The following MEMO1 variants were observed in gnomAD, a reference collection of about 807,000 sequenced individuals.
The protein encoded by MEMO1 is mediator of cell motility 1, also known as protein MEMO1.
In MEMO1, 6 loss-of-function variants were observed where a neutral mutation model predicts 45.2. That is an observed-to-expected ratio of 0.13 (90% CI 0.07 to 0.26). The LOEUF (loss-of-function observed/expected upper bound fraction) is 0.26, where lower values mean the gene tolerates loss of function less well. Ranked by LOEUF, MEMO1 falls within the 10% of genes least tolerant of loss-of-function variation. MEMO1 has a pLI of 1.00. For synonymous variants in MEMO1, 78 were observed against 124.3 expected, an observed-to-expected ratio of 0.63 and a Z score of 2.48; for missense variants, 184 against 370.5, an observed-to-expected ratio of 0.50 and a Z score of 4.13.
chr2:31,949,511 A>T (rs1189384239), intron 2 of MEMO1, among the ~76,000 whole-genome samples: 1 of 151,964 alleles, frequency 6.6e-6, no homozygotes, highest in Non-Finnish European at 1.5e-5. Context: ...AAGACAAACA[A>T]TGCATGTTCT....
intron 6 of MEMO1, among the ~76,000 whole-genome samples, chr2:31,908,611 T>G (rs1680106734): frequency 6.6e-6 from 1 of 152,138 alleles, no homozygotes; most frequent in African/African-American, 2.4e-5. Context: ...ATGAACTAAT[T>G]GCTGGAGACT....
At position 31,938,345 on chromosome 2, in the gene MEMO1, T is replaced by TA. The variant is rs993468091; in HGVS notation, c.143+4956dup. Among the ~76,000 whole-genome samples, 403 of 142,980 alleles carry TA rather than the reference T, an allele frequency of 2.8e-3. 2 individuals are homozygous for TA. Among genetic ancestry groups the TA allele is most frequent in the South Asian group, 3.5e-3 (16 of 4,536 alleles). 93.8% of individuals were successfully genotyped at this position (142,980 alleles called of 152,430 possible). On this transcript the variant is annotated intron_variant, in intron 3 of 9. Transcript: ENST00000404530. ...ATGATATGATTTATGCCTATAAAGG[T>TA]AAAAAAAAAAAACTAAGAAGGCCAG...
chr2:31,868,551 G>T, intron 9 of MEMO1, 59 bp from the exon 10 acceptor site: 1 of 1,469,450 alleles, frequency 6.8e-7, no homozygotes, highest in African/African-American at 1.4e-5. Context: ...GGCACTCAAT[G>T]TGTTTGCGGT....
chr2:31,960,401 T>C (rs993280097), intron 2 of MEMO1, among the ~76,000 whole-genome samples: 1 of 152,124 alleles, frequency 6.6e-6, no homozygotes, highest in Admixed American at 6.5e-5. Context: ...CTATTAATTA[T>C]AGCCTTTCTA....
intron 2 of MEMO1, among the ~76,000 whole-genome samples, chr2:31,996,129 T>G (rs1007208161): frequency 1.3e-5 from 2 of 151,106 alleles, no homozygotes; most frequent in Admixed American, 6.6e-5. Flanking sequence ...GCATGGTGGC[T>G]CATGCCTATA....
intron 6 of MEMO1, among the ~76,000 whole-genome samples, chr2:31,914,962 A>T (rs1429171216): frequency 2.8e-3 from 122 of 44,108 alleles, no homozygotes; most frequent in African/African-American, 7.0e-3. Context: ...GTCTCTTTTT[A>T]AAAAAAAAAA....
chr2:31,903,135 T>C (rs1205079487), intron 6 of MEMO1, among the ~76,000 whole-genome samples: 1 of 152,212 alleles, frequency 6.6e-6, no homozygotes, highest in Non-Finnish European at 1.5e-5. Context: ...ATTTGCTTAA[T>C]CTTCCCCTGC....
chr2:31,985,333 T>A (rs901137301), intron 2 of MEMO1, among the ~76,000 whole-genome samples: 32 of 152,342 alleles, frequency 2.1e-4, no homozygotes, highest in African/African-American at 7.5e-4. Context: ...CACATTTACT[T>A]ATTTATTTAT....
intron 8 of MEMO1, among the ~76,000 whole-genome samples, chr2:31,876,719 G>A (rs1674622354): frequency 1.3e-5 from 2 of 151,908 alleles, no homozygotes; most frequent in African/African-American, 4.8e-5. Context: ...GGTCCTTATG[G>A]CCTAAATAAA....
At chr2:31,883,648 T>A (rs913697359) in intron 7 of MEMO1, among the ~76,000 whole-genome samples, 186 bp from the exon 8 acceptor site, 6 of 152,078 alleles carry the variant, frequency 3.9e-5, no homozygotes, top group African/African-American at 1.4e-4. Flanking sequence ...AATAAAGAAA[T>A]GATATCACCA....
intron 2 of MEMO1, among the ~76,000 whole-genome samples, chr2:32,006,288 T>C (rs1418441203): frequency 6.6e-6 from 1 of 152,208 alleles, no homozygotes; most frequent in Non-Finnish European, 1.5e-5. Context: ...GGAAGTCCAA[T>C]TCGGAGACAG....
chr2:32,001,335 G>A (rs987508724), intron 2 of MEMO1, among the ~76,000 whole-genome samples: 4 of 151,394 alleles, frequency 2.6e-5, no homozygotes, highest in African/African-American at 9.7e-5. Flanking sequence ...CATCGCACCC[G>A]GCAGAAGTGC....
intron 4 of MEMO1, among the ~76,000 whole-genome samples, chr2:31,921,898 G>T (rs542985875): frequency 6.6e-6 from 1 of 152,146 alleles, no homozygotes; most frequent in East Asian, 1.9e-4. Context: ...GAGCTAAAGT[G>T]TAGCTTAAAT....
At position 32,001,638 on chromosome 2, in the gene MEMO1, G is replaced by A. The variant is rs186991862; in HGVS notation, c.61+8549C>T. On this transcript the variant is annotated intron_variant, in intron 2 of 9. Transcript: ENST00000404530. ...AGTTTACCAGTTACGACTCATACAA[G>A]CCTCCTCCAAGTCTTAGTTTTTCTT... 3.1e-3 allele frequency among the ~76,000 whole-genome samples: 475 copies of A among 152,074 alleles called. 2 individuals carry two copies. The highest frequency in any genetic ancestry group is 0.011 in the African/African-American group (448 of 41,504).
intron 6 of MEMO1, among the ~76,000 whole-genome samples, chr2:31,915,797 C>A (rs878903569): frequency 9.2e-5 from 14 of 152,032 alleles, no homozygotes; most frequent in Admixed American, 2.6e-4. Flanking sequence ...GTTCTCTGCC[C>A]CAATTCCTGG....
At chr2:31,987,926 T>C (rs546743873) in intron 2 of MEMO1, among the ~76,000 whole-genome samples, 2 of 152,276 alleles carry the variant, frequency 1.3e-5, no homozygotes, top group East Asian at 3.9e-4. Context: ...AAATCACCTG[T>C]AATTTATAAA....
intron 3 of MEMO1, among the ~76,000 whole-genome samples, chr2:31,933,591 T>C (rs1384799188): frequency 5.9e-5 from 9 of 151,734 alleles, no homozygotes; most frequent in Non-Finnish European, 1.2e-4. Flanking sequence ...TTTTTAAAAA[T>C]GGTCCTAATC....
chr2:31,912,201 T>G (rs1311026429), intron 6 of MEMO1, among the ~76,000 whole-genome samples: 1 of 151,794 alleles, frequency 6.6e-6, no homozygotes, highest in African/African-American at 2.4e-5. Context: ...GCTGGCGTGG[T>G]GGTGGGCGCC....
intron 6 of MEMO1, among the ~76,000 whole-genome samples, chr2:31,915,620 A>AG (rs1667429445): frequency 6.6e-6 from 1 of 152,154 alleles, no homozygotes; most frequent in Non-Finnish European, 1.5e-5. Flanking sequence ...AAAAAAAGAA[A>AG]GAAAAAAAAA....
Sources: gnomAD v4.1 joint callset for allele counts (sites outside exome capture counted in the v4.1 genomes callset) on GRCh38, gnomAD v4.1.1 for gene constraint, MANE v1.5 for transcripts, NCBI Gene and HGNC (gene_info 2026-07-23, HGNC 2026-07-21) for gene names.